The following REN variants were observed in gnomAD, a reference collection of about 807,000 sequenced individuals.
REN encodes the protein renin.
In REN, 42 loss-of-function variants were observed where a neutral mutation model predicts 48.6. The ratio of observed to expected loss-of-function variants is 0.86; its 90% confidence interval spans 0.68 to 1.12. REN has a LOEUF of 1.12. REN is among the 50% of genes most tolerant of loss of function. The pLI is 0.00. For missense variants in REN, 443 were observed against 527.3 expected, an observed-to-expected ratio of 0.84 and a Z score of 1.57; for synonymous variants, 196 against 204.6, an observed-to-expected ratio of 0.96 and a Z score of 0.36.
chr1:204,155,929 G>A lies in REN; in HGVS notation c.961-11C>T, dbSNP rs1658139151. On this transcript the variant is annotated splice_polypyrimidine_tract_variant and intron_variant, in intron 8 of 9. Transcript: ENST00000272190. ...ACACTTCACGACATACTGGGGTGGG[G>A]GGCAAAGAGAGCCTTCTTGAGTATG... The A allele has an allele frequency of 6.2e-7, 1 of 1,606,534 alleles. No homozygotes were observed. Among genetic ancestry groups the A allele is most frequent in the Non-Finnish European group, 8.5e-7 (1 of 1,173,786 alleles).
chr1:204,161,248 G>T (rs2272237), intron 3 of REN, 44 bp downstream of exon 3: 7 of 1,553,504 alleles, frequency 4.5e-6, no homozygotes, highest in South Asian at 1.3e-5. Context: ...ATGCACAGTA[G>T]GGCAGGGGGA....
At chr1:204,163,651 C>A (rs1383703596) in intron 1 of REN, among the ~76,000 whole-genome samples, 2 of 152,222 alleles carry the variant, frequency 1.3e-5, no homozygotes, top group Non-Finnish European at 2.9e-5. Context: ...AGGAAGCTTA[C>A]CCCAAGGCCT....
intron 1 of REN, among the ~76,000 whole-genome samples, chr1:204,162,617 G>A (rs893003462): frequency 6.6e-5 from 10 of 152,318 alleles, no homozygotes; most frequent in African/African-American, 2.4e-4. Context: ...TAATGCCAGG[G>A]AGTGCCCCTG....
intron 1 of REN, among the ~76,000 whole-genome samples, chr1:204,165,321 G>GCTCTTACAA (rs1031412081): frequency 2.0e-5 from 3 of 152,112 alleles, no homozygotes; most frequent in African/African-American, 7.2e-5. Context: ...ACTAACAGTA[G>GCTCTTACAA]CTGGGCTCTT....
chr1:204,163,790 C>G (rs571167360), intron 1 of REN, among the ~76,000 whole-genome samples: 1 of 152,242 alleles, frequency 6.6e-6, no homozygotes, highest in African/African-American at 2.4e-5. Flanking sequence ...AGGGGGCATG[C>G]CTGAATCCCC....
At chr1:204,164,074 C>A (rs1409394739) in intron 1 of REN, among the ~76,000 whole-genome samples, 1 of 152,186 alleles carries the variant, frequency 6.6e-6, no homozygotes, top group African/African-American at 2.4e-5. Flanking sequence ...AATACTGTTT[C>A]AAAAGCTGGA....
chr1:204,155,338 T>C (rs1185059028), intron 9 of REN, among the ~76,000 whole-genome samples, 161 bp from the exon 10 acceptor site: 1 of 152,112 alleles, frequency 6.6e-6, no homozygotes, highest in Non-Finnish European at 1.5e-5. Context: ...TTTTGCCCCA[T>C]CGTGGACTGC....
chr1:204,162,287 A>G, intron 1 of REN, 124 bp from the exon 2 acceptor site: 1 of 1,036,146 alleles, frequency 9.7e-7, no homozygotes, highest in Non-Finnish European at 1.5e-6. Context: ...GCCACCTGGA[A>G]ATCACCTCTG....
chr1:204,162,160 G>C lies in REN; in HGVS notation c.102C>G (p.Ile34Met). The C allele has an allele frequency of 6.2e-7, 1 of 1,614,128 alleles. No homozygotes were observed. Among genetic ancestry groups the C allele is most frequent in the Non-Finnish European group, 8.5e-7 (1 of 1,180,022 alleles). The change falls in exon 2 of 10, where the codon ATC becomes ATG. Residue 34 changes from isoleucine (I) to methionine (M), a missense_variant. Ile to Met is a conservative substitution (Grantham distance 10, BLOSUM62 1). Transcript: ENST00000272190. Reference protein sequence around the residue: ...LPTDTTTFKRIFLKRMPSIRE... With the variant: ...LPTDTTTFKRMFLKRMPSIRE... ...GGATTGAGGGCATTCTCTTGAGGAAGATCCTGGCCCAGGGTGGAGGAAGCA... is the reference window on the plus strand; with the variant it reads ...GGATTGAGGGCATTCTCTTGAGGAACATCCTGGCCCAGGGTGGAGGAAGCA...
At chr1:204,157,544 C>G (rs746477985) in intron 5 of REN, among the ~76,000 whole-genome samples, 175 bp from the exon 6 acceptor site, 1 of 152,182 alleles carries the variant, frequency 6.6e-6, no homozygotes, top group South Asian at 2.1e-4. Flanking sequence ...AAGTGGGGGA[C>G]TGGAGCCAGG....
At position 204,161,141 on chromosome 1, in the gene REN, C is replaced by T. The variant is rs1046501787; in HGVS notation, c.373+151G>A. 8.7e-6 allele frequency: 8 copies of T among 916,052 alleles called. No homozygotes were observed. In the African/African-American group the frequency reaches 1.3e-4, roughly 15 times the overall value. 56.7% of individuals were successfully genotyped at this position (916,052 alleles called of 1,614,324 possible). ...GTATCAGAAAAACGGGAGACATCTT[C>T]CCCTCTCCCCTACATGTCAGTGGGC... On this transcript the variant is annotated intron_variant, in intron 3 of 9. Coordinates refer to ENST00000272190, the MANE Select transcript of REN (RefSeq NM_000537.4).
chr1:204,159,645 T>C, intron 4 of REN, 50 bp from the exon 5 acceptor site: 2 of 1,565,952 alleles, frequency 1.3e-6, no homozygotes, highest in Non-Finnish European at 1.8e-6. Flanking sequence ...CACTCCTTGG[T>C]TGGAGTCTGG....
rs1035869566 is a variant in REN at position 204,157,412 on chromosome 1, G to T, written c.690-43C>A. On this transcript the variant is annotated intron_variant, in intron 5 of 9. Transcript: ENST00000272190. Reference sequence around the variant, plus strand: ...CAGCAGAAAGGAAGCTTCATTTCATGCCAGCCTCATCAGCCCTGCTGTTTG... The same window carrying T: ...CAGCAGAAAGGAAGCTTCATTTCATTCCAGCCTCATCAGCCCTGCTGTTTG... 2.5e-6 allele frequency: 4 copies of T among 1,613,872 alleles called. No homozygotes were observed. In the African/African-American group the frequency reaches 4.0e-5, roughly 16 times the overall value.
chr1:204,162,602 G>A (rs956342267), intron 1 of REN, among the ~76,000 whole-genome samples: 1 of 152,232 alleles, frequency 6.6e-6, no homozygotes, highest in African/African-American at 2.4e-5. Flanking sequence ...TCCCTCTGAA[G>A]AGATTAATGC....
rs1020173040 is a variant in REN at position 204,156,380 on chromosome 1, C to G, written c.819-61G>C. The G allele has an allele frequency of 3.2e-6, 5 of 1,580,928 alleles. No individual in the cohort carries two copies. Among genetic ancestry groups the G allele is most frequent in the Admixed American group, 1.7e-5 (1 of 57,692 alleles). ...GACAGACAGAAGGCTGATGGGGCAC[C>G]TCCAGGCTGCATGTCCTTCCTGAGT... On this transcript the variant is annotated intron_variant, in intron 7 of 9. Coordinates refer to ENST00000272190, the MANE Select transcript of REN (RefSeq NM_000537.4). This position sits in a 1 kb window ranked among gnomAD's most constrained non-coding sequence, Gnocchi z 4.2.
chr1:204,156,104 G>T lies in REN; in HGVS notation c.960+74C>A. 1 of 1,604,384 alleles carries T rather than the reference G, an allele frequency of 6.2e-7. No homozygotes were observed. Among genetic ancestry groups the T allele is most frequent in the Non-Finnish European group, 8.5e-7 (1 of 1,172,218 alleles). On this transcript the variant is annotated intron_variant, in intron 8 of 9. Coordinates refer to ENST00000272190, the MANE Select transcript of REN (RefSeq NM_000537.4). The surrounding 1 kb of genome is among the most constrained non-coding windows in gnomAD (Gnocchi z 4.2). ...GCGAAGGCCTGAGATGGCCTCATTT[G>T]CCTGGGGGATTTGTGAGCCGATACC... is the stretch of plus-strand genomic sequence containing the variant.
rs368317210 is a variant in REN at position 204,162,173 on chromosome 1, G to C, written c.99-10C>G. 6.2e-7 allele frequency: 1 copy of C among 1,613,912 alleles called. No homozygotes were observed. Among genetic ancestry groups the C allele is most frequent in the Non-Finnish European group, 8.5e-7 (1 of 1,179,974 alleles). On this transcript the variant is annotated splice_polypyrimidine_tract_variant and intron_variant, in intron 1 of 9. Coordinates refer to ENST00000272190, the MANE Select transcript of REN (RefSeq NM_000537.4). ...TCTCTTGAGGAAGATCCTGGCCCAG[G>C]GTGGAGGAAGCAAAAATAGAAAAGT...
At position 204,161,501 on chromosome 1, in the gene REN, G is replaced by A. The variant is rs1658246719; in HGVS notation, c.250-86C>T. 4 of 1,307,846 alleles carry A rather than the reference G, an allele frequency of 3.1e-6. No homozygotes were observed. In the South Asian group the frequency reaches 8.6e-5, roughly 28 times the overall value. The allele number at this position is 1,307,846 out of a possible 1,614,324, so 81.0% of individuals were successfully genotyped here. A position where few individuals can be genotyped will look rare whatever the true frequency, so the allele number is the denominator to read the frequency against. On this transcript the variant is annotated intron_variant, in intron 2 of 9. Coordinates refer to ENST00000272190, the MANE Select transcript of REN (RefSeq NM_000537.4). ...CCTGGCTTCACTCTTGGCTCTCGGT[G>A]TGAGACTTGGCCCAGGCGAGGTCCT... is the stretch of plus-strand genomic sequence containing the variant.
chr1:204,156,468 T>C lies in REN; in HGVS notation c.819-149A>G. On this transcript the variant is annotated intron_variant, in intron 7 of 9. Coordinates refer to ENST00000272190, the MANE Select transcript of REN (RefSeq NM_000537.4). The surrounding 1 kb of genome is among the most constrained non-coding windows in gnomAD (Gnocchi z 4.2). ...GAGGCAGTGAGTAGAGGAGGGAAGGTACTGTCACCCTCCACCACTTCTCCC... is the reference window on the plus strand; with the variant it reads ...GAGGCAGTGAGTAGAGGAGGGAAGGCACTGTCACCCTCCACCACTTCTCCC... 1 of 1,329,348 alleles carries C rather than the reference T, an allele frequency of 7.5e-7. No homozygotes were observed. The highest frequency in any genetic ancestry group is 1.0e-6 in the Non-Finnish European group (1 of 959,354). 82.3% of individuals were successfully genotyped at this position (1,329,348 alleles called of 1,614,324 possible).
Sources: allele counts gnomAD v4.1 joint callset (sites outside exome capture counted in the v4.1 genomes callset), GRCh38; gene constraint gnomAD v4.1.1; non-coding constraint Gnocchi (gnomAD v3.1); transcripts MANE v1.5; gene names NCBI Gene and HGNC (gene_info 2026-07-23, HGNC 2026-07-21).